The following CLCNKB variants were observed in gnomAD, a reference collection of about 807,000 sequenced individuals.
The protein encoded by CLCNKB is chloride voltage-gated channel Kb.
Under a neutral mutation model 83.8 loss-of-function variants are expected in CLCNKB, and 74 were observed. That is an observed-to-expected ratio of 0.88 (90% CI 0.73 to 1.07). CLCNKB has a LOEUF of 1.07. Among genes scored for constraint, CLCNKB ranks in the 50% least tolerant of loss-of-function variants. CLCNKB has a pLI of 0.00. For missense variants in CLCNKB, 798 were observed against 893.6 expected (o/e 0.89, Z 1.36); for synonymous variants, 358 against 356.6 (o/e 1.00, Z -0.04).
At chr1:16,048,880 G>T in intron 7 of CLCNKB, 4 of 1,442,514 alleles carry the variant, frequency 2.8e-6, no homozygotes, top group Non-Finnish European at 2.7e-6. Context: ...AATGGAGATC[G>T]CAACCGTCCC....
In CLCNKB at chr1:16,049,837, A is replaced by G. The variant is rs138525307; in HGVS notation, c.889A>G (p.Ser297Gly). 657 of 1,613,670 alleles carry G rather than the reference A, an allele frequency of 4.1e-4. 3 individuals are homozygous for G. Among genetic ancestry groups the G allele is most frequent in the Admixed American group, 3.7e-4 (22 of 59,978 alleles). Residue 297 changes from serine (S) to glycine (G), a missense_variant, in exon 10 of 20, where the codon AGC (serine) becomes GGC (glycine). By Grantham distance (56) the Ser-to-Gly change is moderately conservative. Transcript: ENST00000375679. Reference sequence around the variant, plus strand: ...CAGGGGTCTCTGTGGCATCCTGGGCAGCGCTTACCTCTTCTGTCAGCGAAT... The same window carrying G: ...CAGGGGTCTCTGTGGCATCCTGGGCGGCGCTTACCTCTTCTGTCAGCGAAT... ...ALGGLCGILG[S>G]AYLFCQRIFF...
intron 4 of CLCNKB, 72 bp from the exon 5 acceptor site, chr1:16,047,833 T>A (rs1424072789): frequency 9.9e-6 from 15 of 1,515,358 alleles, no homozygotes; most frequent in Non-Finnish European, 9.1e-7. Flanking sequence ...TGTGAAAACA[T>A]CACACAGGTA....
chr1:16,056,671 G>C (rs1401336310), intron 19 of CLCNKB, among the ~76,000 whole-genome samples, 163 bp downstream of exon 19: 2 of 152,018 alleles, frequency 1.3e-5, no homozygotes, highest in Non-Finnish European at 2.9e-5. Context: ...TTGGCCACTG[G>C]GCCTGGCTCC....
chr1:16,049,957 C>T (rs753346510), intron 10 of CLCNKB, 41 bp downstream of exon 10: 3 of 1,226,618 alleles, frequency 2.4e-6, no homozygotes, highest in South Asian at 1.3e-5. Flanking sequence ...TCAGCGAGCT[C>T]CCCCCTCACC....
At chr1:16,053,448 C>T (rs766584293) in intron 15 of CLCNKB, among the ~76,000 whole-genome samples, 191 bp from the exon 16 acceptor site, 3 of 152,140 alleles carry the variant, frequency 2.0e-5, no homozygotes, top group South Asian at 2.1e-4. Context: ...ACTGGGTCAT[C>T]GGCGATGTGG....
intron 16 of CLCNKB, among the ~76,000 whole-genome samples, 163 bp downstream of exon 16, chr1:16,053,935 G>A (rs1380815195): frequency 6.6e-6 from 1 of 152,150 alleles, no homozygotes; most frequent in East Asian, 1.9e-4. Context: ...TTCCTCATCA[G>A]TAAAATGGAA....
In CLCNKB at chr1:16,044,579, C is replaced by G; in HGVS notation, c.87C>G (p.Arg29=). 1.9e-6 allele frequency: 3 copies of G among 1,599,662 alleles called. No homozygotes were observed. The South Asian group carries it at 3.4e-5, about 18-fold the overall frequency. ...TGTGGGGCCCCTGTCCCCGCATCCG[C>G]CGAGGCATCCGAGGTGAGAGCCAGG... The part of the protein sequence containing the change: ...QELWGPCPRI[R]RGIRGGLEWL... Residue 29 remains arginine, a synonymous_variant, in exon 2 of 20, where the codon CGC becomes CGG. Transcript: ENST00000375679.
intron 16 of CLCNKB, among the ~76,000 whole-genome samples, chr1:16,054,824 C>T (rs574203304): frequency 1.6e-4 from 25 of 152,118 alleles, no homozygotes; most frequent in Non-Finnish European, 3.1e-4. Flanking sequence ...CACTGCTCAC[C>T]CAAGAAATAG....
intron 12 of CLCNKB, among the ~76,000 whole-genome samples, 195 bp downstream of exon 12, chr1:16,051,243 G>A (rs1256388257): frequency 6.6e-6 from 1 of 152,282 alleles, no homozygotes; most frequent in African/African-American, 2.4e-5. Context: ...TTAAAATGGG[G>A]TGTTTACTGG....
rs751569887 is a variant in CLCNKB, at chr1:16,045,656, A to G, written c.199A>G (p.Met67Val). 2.5e-6 allele frequency: 4 copies of G among 1,613,540 alleles called. No individual in the cohort carries two copies. The highest frequency in any genetic ancestry group is 2.2e-5 in the East Asian group (1 of 44,844). The change falls in exon 3 of 20, where the codon ATG becomes GTG. Residue 67 changes from methionine (M) to valine (V), a missense_variant. Coordinates refer to ENST00000375679, the MANE Select transcript of CLCNKB (RefSeq NM_000085.5). The stretch of plus-strand genomic sequence containing the variant: ...GCTCATGGCCCTGGTCAGCTGTGCC[A>G]TGGACTTGGCTGTTGAGAGTGTGGT... ...GVLMALVSCA[M>V]DLAVESVVRA...
Position 16,049,659 on chromosome 1 carries a change from G to A in CLCNKB, c.823G>A (p.Val275Ile), listed in dbSNP as rs62620054. ...SLYKTSFRVD[V>I]PFDLPEIFFF... ...CTACAAGACCAGTTTCCGGGTGGAC[G>A]TTCCCTTCGACCTGCCTGAGATCTT... Residue 275 changes from valine to isoleucine, a missense_variant, in exon 9 of 20, where the codon GTT (valine) becomes ATT (isoleucine). Coordinates refer to ENST00000375679, the MANE Select transcript of CLCNKB (RefSeq NM_000085.5). 2,862 of 1,610,136 alleles carry A rather than the reference G, an allele frequency of 1.8e-3. 51 individuals carry two copies. The African/African-American group carries it at 0.034, about 19-fold the overall frequency.
chr1:16,049,763 C>A (rs370554508), intron 9 of CLCNKB, 52 bp from the exon 10 acceptor site: 38 of 1,612,362 alleles, frequency 2.4e-5, no homozygotes, highest in East Asian at 8.9e-5. Context: ...GCCTGGACTG[C>A]GGCCCCTGGT....
chr1:16,048,791 C>T (rs984387190), intron 7 of CLCNKB: 17 of 1,451,290 alleles, frequency 1.2e-5, no homozygotes, highest in Admixed American at 2.8e-5. Context: ...TTCAGTGTAA[C>T]ATTATACAGA....
Position 16,056,401 on chromosome 1 carries a change from TTC to T in CLCNKB, c.1930-20_1930-19del. The T allele has an allele frequency of 6.2e-7, 1 of 1,613,220 alleles. No individual in the cohort carries two copies. Among genetic ancestry groups the T allele is most frequent in the Non-Finnish European group, 8.5e-7 (1 of 1,179,272 alleles). On this transcript the variant is annotated intron_variant, in intron 18 of 19. Coordinates refer to ENST00000375679, the MANE Select transcript of CLCNKB (RefSeq NM_000085.5). ...CTGGGCACCTTCTACCCTCCAGTGT[TTC>T]CTAACATCCCCCATCCAGGCACACA...
Position 16,045,887 on chromosome 1 carries a change from C to T in CLCNKB, c.229+201C>T, listed in dbSNP as rs2023086634. 2.0e-5 allele frequency among the ~76,000 whole-genome samples: 3 copies of T among 152,200 alleles called. 1 individual carries two copies. In the South Asian group the frequency reaches 6.2e-4, roughly 32 times the overall value. Reference sequence around the variant, plus strand: ...CTGGGCCTCAGTCATCTCATTTGCACAAGGGAGAGAGGCCTGAATGTTCCC... The same window carrying T: ...CTGGGCCTCAGTCATCTCATTTGCATAAGGGAGAGAGGCCTGAATGTTCCC... On this transcript the variant is annotated intron_variant, in intron 3 of 19. Transcript: ENST00000375679.
Position 16,049,641 on chromosome 1 carries a change from A to G in CLCNKB, c.805A>G (p.Thr269Ala), listed in dbSNP as rs2023218936. ...AGAGACCATCACCTCCCTCTACAAG[A>G]CCAGTTTCCGGGTGGACGTTCCCTT... The part of the protein sequence containing the change: ...EQETITSLYK[T>A]SFRVDVPFDL... The change falls in exon 9 of 20, where the codon ACC becomes GCC. Residue 269 changes from threonine (T) to alanine (A), a missense_variant. Physicochemically the swap from Thr to Ala is moderately conservative, Grantham distance 58. Coordinates refer to ENST00000375679, the MANE Select transcript of CLCNKB (RefSeq NM_000085.5). 7 of 1,608,248 alleles carry G rather than the reference A, an allele frequency of 4.4e-6. No individual in the cohort carries two copies. The highest frequency in any genetic ancestry group is 2.2e-5 in the East Asian group (1 of 44,766).
chr1:16,054,349 C>T (rs1214933099), intron 16 of CLCNKB, among the ~76,000 whole-genome samples: 1 of 152,204 alleles, frequency 6.6e-6, no homozygotes, highest in Non-Finnish European at 1.5e-5. Context: ...ACAAGCTGCA[C>T]ACCTGGCAAG....
intron 2 of CLCNKB, 141 bp from the exon 3 acceptor site, chr1:16,045,417 C>T (rs2023069368): frequency 2.0e-6 from 2 of 992,724 alleles, no homozygotes; most frequent in South Asian, 1.4e-5. Context: ...GGCAGGGCCC[C>T]CTCGGGACTA....
chr1:16,044,353 A>T, intron 1 of CLCNKB, 133 bp from the exon 2 acceptor site: 3 of 692,410 alleles, frequency 4.3e-6, no homozygotes, highest in Non-Finnish European at 7.6e-6. Context: ...TGATAACTTC[A>T]CATACACACA....
Sources: gnomAD v4.1 joint callset for allele counts (sites outside exome capture counted in the v4.1 genomes callset) on GRCh38, gnomAD v4.1.1 for gene constraint, MANE v1.5 for transcripts, NCBI Gene and HGNC (gene_info 2026-07-23, HGNC 2026-07-21) for gene names.